Variants in GRIA4 observed in about 807,000 individuals in gnomAD.
GRIA4 encodes glutamate receptor 4.
A neutral mutation model predicts 104.0 loss-of-function variants in GRIA4; 34 were observed. The ratio of observed to expected loss-of-function variants is 0.33; its 90% CI spans 0.25 to 0.44. The LOEUF (loss-of-function observed/expected upper bound fraction) is 0.44. Ranked by LOEUF, GRIA4 falls within the 20% of genes least tolerant of loss-of-function variation. GRIA4 has a pLI of 1.00. For synonymous variants in GRIA4, 386 were observed against 381.9 expected, an observed-to-expected ratio of 1.01 and a Z score of -0.13; for missense variants, 750 against 1,096.5, an observed-to-expected ratio of 0.68 and a Z score of 4.46.
At chr11:105,901,031 C>T (rs985476543) in intron 7 of GRIA4, among the ~76,000 whole-genome samples, 4 of 152,064 alleles carry the variant, frequency 2.6e-5, no homozygotes, top group African/African-American at 9.7e-5. Flanking sequence ...GGGCAATTCT[C>T]ATCAGGGATT....
At chr11:105,736,894 A>G (rs1252418402) in intron 3 of GRIA4, among the ~76,000 whole-genome samples, 1 of 152,084 alleles carries the variant, frequency 6.6e-6, no homozygotes, top group East Asian at 1.9e-4. Flanking sequence ...CTATTCTACT[A>G]TTACAATTTC....
In GRIA4 at chr11:105,610,982, G is replaced by C. The variant is rs1013390583; in HGVS notation, c.-16G>C. On this transcript the variant is annotated 5_prime_UTR_variant, in exon 2 of 17. Transcript: ENST00000282499. ...AGAAAGAGAGAGAGCGCGCGCCAGGGAGAGGAGAAAAGAAGATGAGGATTA... is the reference window on the plus strand; with the variant it reads ...AGAAAGAGAGAGAGCGCGCGCCAGGCAGAGGAGAAAAGAAGATGAGGATTA... 1.3e-6 allele frequency: 2 copies of C among 1,571,882 alleles called. No individual in the cohort carries two copies. The highest frequency in any genetic ancestry group is 1.7e-5 in the Admixed American group (1 of 59,844).
At chr11:105,800,946 A>G (rs112918387) in intron 4 of GRIA4, among the ~76,000 whole-genome samples, 54 of 152,150 alleles carry the variant, frequency 3.5e-4, no homozygotes, top group African/African-American at 1.2e-3. Context: ...CAGGAAGTCA[A>G]CTCAGAACCT....
At chr11:105,919,296 A>G (rs1184704754) in intron 11 of GRIA4, among the ~76,000 whole-genome samples, 1 of 152,114 alleles carries the variant, frequency 6.6e-6, no homozygotes, top group African/African-American at 2.4e-5. Flanking sequence ...CAACAATATA[A>G]AGATGGTCAT....
intron 10 of GRIA4, among the ~76,000 whole-genome samples, chr11:105,914,407 T>C (rs1012074152): frequency 3.9e-5 from 6 of 152,218 alleles, no homozygotes; most frequent in African/African-American, 1.4e-4. Context: ...GTAATAATTA[T>C]ATTTGTAATG....
chr11:105,922,680 T>C (rs1947597586), intron 11 of GRIA4, among the ~76,000 whole-genome samples: 1 of 152,022 alleles, frequency 6.6e-6, no homozygotes, highest in Non-Finnish European at 1.5e-5. Flanking sequence ...AGAAAAAGAA[T>C]TGTAAGATAT....
chr11:105,728,223 C>A (rs2135596806), intron 3 of GRIA4, among the ~76,000 whole-genome samples: 1 of 152,218 alleles, frequency 6.6e-6, no homozygotes, highest in East Asian at 1.9e-4. Flanking sequence ...GGGTTGCAAT[C>A]CTATTCTCTG....
chr11:105,676,255 T>C (rs2135452179), intron 3 of GRIA4, among the ~76,000 whole-genome samples: 1 of 151,818 alleles, frequency 6.6e-6, no homozygotes, highest in South Asian at 2.1e-4. Context: ...TGAATAGGTA[T>C]GAATATTTTC....
At chr11:105,622,622 A>T (rs148774528) in intron 3 of GRIA4, among the ~76,000 whole-genome samples, 1 of 151,542 alleles carries the variant, frequency 6.6e-6, no homozygotes, top group Non-Finnish European at 1.5e-5. Flanking sequence ...TCCAAAGTAC[A>T]TCACATTTTC....
chr11:105,847,623 T>C (rs907477665), intron 4 of GRIA4, among the ~76,000 whole-genome samples: 5 of 152,162 alleles, frequency 3.3e-5, no homozygotes, highest in African/African-American at 1.2e-4. Context: ...GGATAAGACA[T>C]TTTATTTTGA....
At chr11:105,694,443 G>A (rs569380772) in intron 3 of GRIA4, among the ~76,000 whole-genome samples, 93 of 151,978 alleles carry the variant, frequency 6.1e-4, no homozygotes, top group African/African-American at 2.2e-3. Context: ...CAATGCTCCC[G>A]GCCACAAGTT....
At chr11:105,835,576 T>G (rs908838323) in intron 4 of GRIA4, among the ~76,000 whole-genome samples, 6 of 152,098 alleles carry the variant, frequency 3.9e-5, no homozygotes, top group African/African-American at 9.7e-5. Flanking sequence ...TTTCTTTTTC[T>G]TTTTATCATT....
chr11:105,631,729 C>T (rs556760561), intron 3 of GRIA4, among the ~76,000 whole-genome samples: 2 of 152,106 alleles, frequency 1.3e-5, no homozygotes, highest in Non-Finnish European at 2.9e-5. Context: ...CCTTACAAAG[C>T]TTATTATATG....
chr11:105,901,420 A>T (rs561228301), intron 7 of GRIA4, among the ~76,000 whole-genome samples: 1 of 152,270 alleles, frequency 6.6e-6, no homozygotes, highest in African/African-American at 2.4e-5. Flanking sequence ...AAATCATTTC[A>T]TCATTCTAAT....
intron 3 of GRIA4, 79 bp downstream of exon 3, chr11:105,612,513 A>AT (rs982407027): frequency 2.2e-5 from 25 of 1,152,616 alleles, no homozygotes; most frequent in Middle Eastern, 2.0e-4. Flanking sequence ...TTGTTATTTA[A>AT]TTTTTTTAGA....
At chr11:105,626,747 G>A (rs138930973) in intron 3 of GRIA4, among the ~76,000 whole-genome samples, 1 of 152,188 alleles carries the variant, frequency 6.6e-6, no homozygotes, top group East Asian at 1.9e-4. Context: ...CTAGATTCAG[G>A]AATTTTTTAT....
chr11:105,699,565 A>AT (rs140336736), intron 3 of GRIA4, among the ~76,000 whole-genome samples: 11 of 151,808 alleles, frequency 7.2e-5, no homozygotes, highest in African/African-American at 2.2e-4. Flanking sequence ...TCTACTTTCT[A>AT]TTTTTTTTAT....
rs144649274 is a variant in GRIA4, at chr11:105,810,919, A to T, written c.488-51105A>T. ...TGCAACTGTGTTAAGCATTTTTTTT[A>T]AAAAAAACTATTATTGATTACTGCT... On this transcript the variant is annotated intron_variant, in intron 4 of 16. Coordinates refer to ENST00000282499, the MANE Select transcript of GRIA4 (RefSeq NM_000829.4). Among the ~76,000 whole-genome samples the T allele has an allele frequency of 1.3e-3, 194 of 151,894 alleles. 1 individual carries two copies. The highest frequency in any genetic ancestry group is 2.4e-3 in the African/African-American group (100 of 41,470).
intron 3 of GRIA4, among the ~76,000 whole-genome samples, chr11:105,676,996 T>C (rs191656274): frequency 6.6e-6 from 1 of 151,942 alleles, no homozygotes; most frequent in Non-Finnish European, 1.5e-5. Flanking sequence ...AAGAAAAACA[T>C]GCATTCCATT....
Sources: allele counts gnomAD v4.1 joint callset (sites outside exome capture counted in the v4.1 genomes callset), GRCh38; gene constraint gnomAD v4.1.1; transcripts MANE v1.5; gene names NCBI Gene and HGNC (gene_info 2026-07-23, HGNC 2026-07-21).